UBR2: variants seen among roughly 807,000 people sequenced by gnomAD.
The protein encoded by UBR2 is ubiquitin protein ligase E3 component n-recognin 2, also known as E3 ubiquitin-protein ligase UBR2.
In UBR2, 92 loss-of-function variants were observed where a neutral mutation model predicts 247.9. The ratio of observed to expected loss-of-function variants is 0.37; its 90% CI spans 0.31 to 0.44. The LOEUF (loss-of-function observed/expected upper bound fraction) is 0.44, where lower values mean the gene tolerates loss of function less well. UBR2 is among the 20% of genes least tolerant of loss of function. The probability of loss-of-function intolerance (pLI) is 1.00; values close to 1 mark genes in which losing one functional copy is unlikely to be tolerated. For synonymous variants in UBR2, 672 were observed against 693.5 expected (o/e 0.97, Z 0.49); for missense variants, 1,613 against 2,112.6 (o/e 0.76, Z 4.64).
chr6:42,669,071 G>A (rs1306498459), intron 34 of UBR2, among the ~76,000 whole-genome samples: 1 of 151,908 alleles, frequency 6.6e-6, no homozygotes, highest in Non-Finnish European at 1.5e-5. Flanking sequence ...CTACAGGCAT[G>A]CACCACCATG....
In UBR2 at chr6:42,575,712, T is replaced by C. The variant is rs556815951; in HGVS notation, c.338+1719T>C. 2.2e-4 allele frequency among the ~76,000 whole-genome samples: 34 copies of C among 152,332 alleles called. No individual in the cohort carries two copies. In the Middle Eastern group the frequency reaches 0.017, roughly 76 times the overall value. Reference sequence around the variant, plus strand: ...TGTGTTTTAACCCTGTCAGGTGGTATGTATGATTTTGATTAGTTCTACAAC... The same window carrying C: ...TGTGTTTTAACCCTGTCAGGTGGTACGTATGATTTTGATTAGTTCTACAAC... On this transcript the variant is annotated intron_variant, in intron 2 of 46. Transcript: ENST00000372901.
intron 23 of UBR2, among the ~76,000 whole-genome samples, 169 bp from the exon 24 acceptor site, chr6:42,651,854 G>A (rs1797135248): frequency 6.6e-6 from 1 of 152,068 alleles, no homozygotes; most frequent in African/African-American, 2.4e-5. Flanking sequence ...GCTCATGCCT[G>A]TAATCCCAGC....
Position 42,564,291 on chromosome 6 carries a change from G to C in UBR2, c.-29G>C. On this transcript the variant is annotated 5_prime_UTR_variant, in exon 1 of 47. Coordinates refer to ENST00000372901, the MANE Select transcript of UBR2 (RefSeq NM_001363705.2). ...GTGAGGCTGCAGCTCTCCGGGCGGC[G>C]GTAGCGCTGGGGAGGAGGAGGAGAG... is the stretch of plus-strand genomic sequence containing the variant. 6.3e-7 allele frequency: 1 copy of C among 1,597,802 alleles called. No homozygotes were observed. Among genetic ancestry groups the C allele is most frequent in the Non-Finnish European group, 8.5e-7 (1 of 1,173,538 alleles).
intron 1 of UBR2, among the ~76,000 whole-genome samples, chr6:42,567,879 AAAAAT>A (rs1790877700): frequency 1.3e-5 from 2 of 152,012 alleles, no homozygotes; most frequent in South Asian, 2.1e-4. Flanking sequence ...TCTACTAAAA[AAAAAT>A]AAAATAAAAT....
intron 1 of UBR2, among the ~76,000 whole-genome samples, chr6:42,566,826 G>A (rs545434832): frequency 3.3e-5 from 5 of 151,870 alleles, no homozygotes; most frequent in Admixed American, 3.3e-4. Context: ...TGACCTCCTA[G>A]GCTCAAGAGA....
chr6:42,574,371 T>A (rs1276417169), intron 2 of UBR2, among the ~76,000 whole-genome samples: 1 of 152,218 alleles, frequency 6.6e-6, no homozygotes, highest in Admixed American at 6.5e-5. Context: ...CTTTTTCACA[T>A]GCCTTCATTA....
intron 4 of UBR2, among the ~76,000 whole-genome samples, chr6:42,595,279 A>G (rs2151919884): frequency 6.6e-6 from 1 of 152,314 alleles, no homozygotes; most frequent in South Asian, 2.1e-4. Context: ...TTGTTCTTGT[A>G]TCCGTTAGCC....
Position 42,640,202 on chromosome 6 carries a change from C to G in UBR2, c.1859-7C>G. The G allele has an allele frequency of 3.1e-6, 5 of 1,597,022 alleles. No homozygotes were observed. Among genetic ancestry groups the G allele is most frequent in the Non-Finnish European group, 4.3e-6 (5 of 1,174,332 alleles). ...AAATACTGTTTTTTGTTTGTTCTTT[C>G]ATGCAGGTTTACATGTATTATTAAG... On this transcript the variant is annotated splice_polypyrimidine_tract_variant and splice_region_variant and intron_variant, in intron 15 of 46. Transcript: ENST00000372901.
chr6:42,682,911 A>G (rs530382265), intron 42 of UBR2, 144 bp from the exon 43 acceptor site: 2 of 649,420 alleles, frequency 3.1e-6, no homozygotes, highest in African/African-American at 1.9e-5. Context: ...TAGGCAAAAT[A>G]GTATTTCTAC....
At position 42,678,716 on chromosome 6, in the gene UBR2, T is replaced by C. The variant is rs1471883668; in HGVS notation, c.4609+47T>C. Reference sequence around the variant, plus strand: ...AACGTAGGGAGAGTTAGTAATCCTTTACTCCAGCAAATATAAAGATCACTT... The same window carrying C: ...AACGTAGGGAGAGTTAGTAATCCTTCACTCCAGCAAATATAAAGATCACTT... On this transcript the variant is annotated intron_variant, in intron 41 of 46. Coordinates refer to ENST00000372901, the MANE Select transcript of UBR2 (RefSeq NM_001363705.2). 3 of 1,566,246 alleles carry C rather than the reference T, an allele frequency of 1.9e-6. No individual in the cohort carries two copies. In the South Asian group the frequency reaches 3.6e-5, roughly 19 times the overall value.
Position 42,655,663 on chromosome 6 carries a change from C to T in UBR2, c.2812C>T (p.His938Tyr). 6.4e-7 allele frequency: 1 copy of T among 1,560,468 alleles called. No homozygotes were observed. The highest frequency in any genetic ancestry group is 8.6e-7 in the Non-Finnish European group (1 of 1,163,456). Residue 938 changes from histidine (H) to tyrosine (Y), a missense_variant, in exon 26 of 47, where the codon CAT (histidine) becomes TAT (tyrosine). Coordinates refer to ENST00000372901, the MANE Select transcript of UBR2 (RefSeq NM_001363705.2). ...IGMALQEEKQ[H>Y]LENVTEEHVV... is the part of the protein sequence containing the mutation. Reference sequence around the variant, plus strand: ...CATGGCACTACAAGAAGAAAAACAACATTTAGAGAATGTCACGGAAGAGCA... The same window carrying T: ...CATGGCACTACAAGAAGAAAAACAATATTTAGAGAATGTCACGGAAGAGCA...
chr6:42,570,206 G>T (rs1012888858), intron 1 of UBR2, among the ~76,000 whole-genome samples: 5 of 152,154 alleles, frequency 3.3e-5, no homozygotes, highest in African/African-American at 1.2e-4. Flanking sequence ...AATCTTTTAG[G>T]TGATTGTGAT....
At chr6:42,640,421 TGTGTGTG>T in intron 16 of UBR2, 151 bp downstream of exon 16, 1 of 510,712 alleles carries the variant, frequency 2.0e-6, no homozygotes, top group Non-Finnish European at 3.4e-6. Context: ...TGTGTGTGTG[TGTGTGTG>T]TGTGTGTATA....
rs185599861 is a variant in UBR2 at position 42,572,267 on chromosome 6, T to G, written c.79-1467T>G. 5.1e-3 allele frequency among the ~76,000 whole-genome samples: 780 copies of G among 152,226 alleles called. 3 individuals carry two copies. Among genetic ancestry groups the G allele is most frequent in the Non-Finnish European group, 9.2e-3 (629 of 68,000 alleles). Reference sequence around the variant, plus strand: ...CCAGTCCCTTAACTTATGAACAAAATTTTTACATTTTTAGTAAAAGTTCTC... The same window carrying G: ...CCAGTCCCTTAACTTATGAACAAAAGTTTTACATTTTTAGTAAAAGTTCTC... On this transcript the variant is annotated intron_variant, in intron 1 of 46. Transcript: ENST00000372901.
chr6:42,646,681 C>T (rs145548023), intron 21 of UBR2, among the ~76,000 whole-genome samples: 1 of 152,146 alleles, frequency 6.6e-6, no homozygotes, highest in East Asian at 1.9e-4. Flanking sequence ...CAACCCCCTA[C>T]AACATATCTG....
chr6:42,593,438 C>G (rs2151918345), intron 3 of UBR2, among the ~76,000 whole-genome samples: 1 of 152,252 alleles, frequency 6.6e-6, no homozygotes, highest in South Asian at 2.1e-4. Context: ...CAAATACTTA[C>G]TTTGGGCAGA....
chr6:42,602,900 T>TA (rs932704957), intron 4 of UBR2, among the ~76,000 whole-genome samples: 5 of 152,042 alleles, frequency 3.3e-5, no homozygotes, highest in Admixed American at 3.3e-4. Context: ...AGATTTAAGA[T>TA]AAAGCATTAA....
At chr6:42,622,178 C>G (rs1471709054) in intron 11 of UBR2, among the ~76,000 whole-genome samples, 2 of 151,874 alleles carry the variant, frequency 1.3e-5, no homozygotes, top group Non-Finnish European at 2.9e-5. Context: ...GCCACCACGC[C>G]TGGCTAATTT....
intron 13 of UBR2, among the ~76,000 whole-genome samples, chr6:42,633,727 T>C (rs1795909936): frequency 6.6e-6 from 1 of 150,550 alleles, no homozygotes. Flanking sequence ...TTTTTTGTTT[T>C]GTTTTGTTTT....
Sources: gnomAD v4.1 joint callset for allele counts (sites outside exome capture counted in the v4.1 genomes callset) on GRCh38, gnomAD v4.1.1 for gene constraint, MANE v1.5 for transcripts, NCBI Gene and HGNC (gene_info 2026-07-23, HGNC 2026-07-21) for gene names.